IFT74: variants seen among roughly 807,000 people sequenced by gnomAD.
IFT74 encodes the protein intraflagellar transport 74.
IFT74 carries 92 observed loss-of-function variants against 96.7 expected under a neutral mutation model. The observed-to-expected ratio is 0.95, with a 90% CI of 0.80 to 1.13. The LOEUF is 1.13. Ranked by LOEUF, IFT74 falls within the 50% of genes most tolerant of loss-of-function variation. The pLI is 0.00. For missense variants in IFT74, 811 were observed against 698.2 expected, an observed-to-expected ratio of 1.16 and a Z score of -1.82; for synonymous variants, 223 against 213.2, an observed-to-expected ratio of 1.05 and a Z score of -0.40.
chr9:27,001,177 A>G (rs951446452), intron 8 of IFT74, among the ~76,000 whole-genome samples: 1 of 152,076 alleles, frequency 6.6e-6, no homozygotes, highest in Non-Finnish European at 1.5e-5. Context: ...TTGTATATAT[A>G]TGCTACTTTT....
intron 3 of IFT74, among the ~76,000 whole-genome samples, chr9:26,978,935 G>T (rs1026282892): frequency 6.6e-6 from 1 of 151,948 alleles, no homozygotes; most frequent in Non-Finnish European, 1.5e-5. Flanking sequence ...TAGATCTGTG[G>T]TATATATAAA....
intron 16 of IFT74, among the ~76,000 whole-genome samples, chr9:27,054,881 T>G (rs1240665260): frequency 6.6e-6 from 1 of 152,224 alleles, no homozygotes; most frequent in African/African-American, 2.4e-5. Context: ...CCAAGCAAAG[T>G]GCTGATGTGC....
At chr9:26,957,926 T>G (rs1286585389) in intron 1 of IFT74, among the ~76,000 whole-genome samples, 1 of 152,058 alleles carries the variant, frequency 6.6e-6, no homozygotes, top group African/African-American at 2.4e-5. Context: ...ATTTTTTTTT[T>G]GTATTTTTAG....
chr9:26,989,459 G>C (rs1827775735), intron 7 of IFT74, among the ~76,000 whole-genome samples: 1 of 152,026 alleles, frequency 6.6e-6, no homozygotes, highest in African/African-American at 2.4e-5. Context: ...TAAGCATTTG[G>C]ATGAAAATAA....
intron 1 of IFT74, among the ~76,000 whole-genome samples, chr9:26,956,965 C>A (rs1826136282): frequency 6.6e-6 from 1 of 152,202 alleles, no homozygotes; most frequent in Admixed American, 6.5e-5. Flanking sequence ...TAATACTTAT[C>A]GTCTTCACAA....
chr9:27,033,540 C>T (rs1830220518), intron 13 of IFT74, among the ~76,000 whole-genome samples: 1 of 144,000 alleles, frequency 6.9e-6, no homozygotes, highest in South Asian at 2.3e-4. Context: ...TGCCACTGCA[C>T]TTCAGCCTGG....
chr9:27,002,688 A>G (rs1484917962), intron 8 of IFT74, among the ~76,000 whole-genome samples: 2 of 152,150 alleles, frequency 1.3e-5, no homozygotes, highest in African/African-American at 2.4e-5. Flanking sequence ...TTTGGTTACT[A>G]TAGCTTTGTA....
At chr9:26,947,940 A>G (rs1825798812) in intron 1 of IFT74, among the ~76,000 whole-genome samples, 2 of 152,106 alleles carry the variant, frequency 1.3e-5, no homozygotes, top group Non-Finnish European at 2.9e-5. Context: ...CTTGCTAGTC[A>G]TTATCAGACC....
At chr9:27,014,989 G>A (rs1275813064) in intron 10 of IFT74, among the ~76,000 whole-genome samples, 2 of 152,152 alleles carry the variant, frequency 1.3e-5, no homozygotes, top group African/African-American at 4.8e-5. Context: ...AGTATTTTTT[G>A]AATACTTTAT....
chr9:27,032,964 G>A (rs10757640), intron 13 of IFT74, among the ~76,000 whole-genome samples: 114,538 of 152,038 alleles, frequency 0.75, 43,315 homozygotes, highest in East Asian at 0.87. Flanking sequence ...TATGAATCTG[G>A]CATGTATTTA....
intron 16 of IFT74, 150 bp downstream of exon 16, chr9:27,048,424 A>G (rs1000064759): frequency 3.6e-6 from 2 of 562,314 alleles, no homozygotes; most frequent in Admixed American, 3.4e-5. Context: ...TCAGCTGGCT[A>G]GTATTATGTT....
chr9:26,995,550 C>A, intron 8 of IFT74: 1 of 1,580,454 alleles, frequency 6.3e-7, no homozygotes, highest in Non-Finnish European at 8.6e-7. Flanking sequence ...TCATGGATAT[C>A]TATATATTTG....
chr9:27,047,325 C>T lies in IFT74; in HGVS notation c.1160C>T (p.Ala387Val). 6.2e-7 allele frequency: 1 copy of T among 1,613,374 alleles called. No homozygotes were observed. Among genetic ancestry groups the T allele is most frequent in the East Asian group, 2.2e-5 (1 of 44,834 alleles). Reference sequence around the variant, plus strand: ...AAGAATCAGGAACTGAAACGAAAGGCACAGATAGAAGCCAACATTGTTGCA... The same window carrying T: ...AAGAATCAGGAACTGAAACGAAAGGTACAGATAGAAGCCAACATTGTTGCA... ...ETKNQELKRK[A>V]QIEANIVALL... is the part of the protein sequence containing the mutation. Residue 387 changes from alanine (A) to valine (V), a missense_variant, in exon 15 of 20, where the codon GCA becomes GTA. Coordinates refer to ENST00000380062, the MANE Select transcript of IFT74 (RefSeq NM_025103.4).
At chr9:27,008,143 T>C (rs148973063) in intron 8 of IFT74, among the ~76,000 whole-genome samples, 1 of 152,354 alleles carries the variant, frequency 6.6e-6, no homozygotes, top group East Asian at 1.9e-4. Flanking sequence ...AATAGCAATG[T>C]TAACTAAAGC....
intron 2 of IFT74, among the ~76,000 whole-genome samples, chr9:26,963,352 C>G (rs1190257130): frequency 6.6e-6 from 1 of 151,752 alleles, no homozygotes; most frequent in African/African-American, 2.4e-5. Flanking sequence ...TTAATCCAGT[C>G]TATCATTGTT....
intron 4 of IFT74, among the ~76,000 whole-genome samples, chr9:26,982,077 C>T (rs1827402768): frequency 6.6e-6 from 1 of 151,094 alleles, no homozygotes; most frequent in Non-Finnish European, 1.5e-5. Context: ...CAAGAATAAT[C>T]TTCTATGTTT....
chr9:27,023,509 C>T (rs1465627668), intron 12 of IFT74, among the ~76,000 whole-genome samples: 3 of 152,008 alleles, frequency 2.0e-5, no homozygotes, highest in Non-Finnish European at 4.4e-5. Flanking sequence ...GCTATAAAAC[C>T]CACTTGATCA....
intron 8 of IFT74, among the ~76,000 whole-genome samples, chr9:27,003,363 A>G (rs1587331051): frequency 6.6e-6 from 1 of 151,970 alleles, no homozygotes; most frequent in Non-Finnish European, 1.5e-5. Flanking sequence ...TCTCTACTAC[A>G]ATTACAAAAA....
chr9:27,010,838 G>C (rs1023578606), intron 9 of IFT74, among the ~76,000 whole-genome samples: 9 of 152,116 alleles, frequency 5.9e-5, no homozygotes, highest in African/African-American at 2.2e-4. Context: ...TTAAGTCCCT[G>C]TTGAGGGCAT....
Sources: gnomAD v4.1 joint callset for allele counts (sites outside exome capture counted in the v4.1 genomes callset) on GRCh38, gnomAD v4.1.1 for gene constraint, MANE v1.5 for transcripts, NCBI Gene and HGNC (gene_info 2026-07-23, HGNC 2026-07-21) for gene names.